Variants in STON1 observed in about 807,000 individuals in gnomAD.
The protein encoded by STON1 is stonin-1.
A neutral mutation model predicts 60.9 loss-of-function variants in STON1; 79 were observed. The observed-to-expected ratio is 1.30, with a 90% CI of 1.08 to 1.56. The LOEUF is 1.56. Ranked by LOEUF, STON1 falls within the 40% of genes most tolerant of loss-of-function variation. STON1 has a pLI of 0.00. For missense variants in STON1, 1,166 were observed against 858.9 expected (o/e 1.36, Z -4.47); for synonymous variants, 363 against 306.9 (o/e 1.18, Z -1.91).
chr2:48,580,538 C>T (rs1673811365), intron 1 of STON1, 49 bp from the exon 2 acceptor site: 10 of 1,299,204 alleles, frequency 7.7e-6, no homozygotes, highest in Non-Finnish European at 8.9e-6. Flanking sequence ...TAATGATTCC[C>T]CCCTTCATTT....
intron 1 of STON1, among the ~76,000 whole-genome samples, chr2:48,536,230 T>C (rs1367238724): frequency 6.6e-6 from 1 of 152,072 alleles, no homozygotes; most frequent in Non-Finnish European, 1.5e-5. Context: ...ATTACAAAGA[T>C]ACTGTGAAGA....
intron 2 of STON1, among the ~76,000 whole-genome samples, chr2:48,584,890 G>A (rs1674117684): frequency 6.6e-6 from 1 of 152,150 alleles, no homozygotes; most frequent in Admixed American, 6.5e-5. Context: ...GTTGACTGAT[G>A]AGAGCTTGAG....
At position 48,589,911 on chromosome 2, in the gene STON1, A is replaced by G. The variant is rs188769704; in HGVS notation, c.1931-1742A>G. ...TATTGCTATAGAATACTACTGCCCC[A>G]GTGCTGTATGCATATGAACTGGTTA... On this transcript the variant is annotated intron_variant, in intron 2 of 3. Coordinates refer to ENST00000404752, the MANE Select transcript of STON1 (RefSeq NM_006873.4). Among the ~76,000 whole-genome samples, 848 of 152,344 alleles carry G rather than the reference A, an allele frequency of 5.6e-3. 5 individuals carry two copies. The highest frequency in any genetic ancestry group is 0.02 in the African/African-American group (824 of 41,574).
intron 2 of STON1, among the ~76,000 whole-genome samples, chr2:48,584,870 T>C (rs1238946901): frequency 6.6e-6 from 1 of 152,128 alleles, no homozygotes; most frequent in African/African-American, 2.4e-5. Flanking sequence ...TGTTTGTTGG[T>C]TTAACACCTG....
chr2:48,542,260 T>C (rs899848606), intron 1 of STON1, among the ~76,000 whole-genome samples: 2 of 152,232 alleles, frequency 1.3e-5, no homozygotes, highest in East Asian at 1.9e-4. Flanking sequence ...CCCATAGTCA[T>C]TGGCCTTCTC....
intron 1 of STON1, among the ~76,000 whole-genome samples, chr2:48,570,868 T>TTG (rs1225669914): frequency 1.4e-5 from 2 of 145,584 alleles, no homozygotes; most frequent in Admixed American, 6.8e-5. Flanking sequence ...TTTTTTTTTT[T>TTG]TTTGTCTTTC....
Position 48,580,601 on chromosome 2 carries a change from AT to A in STON1, c.-30del. ...TTTTTTAACAGAGTCAACCTATTTG[AT>A]TTCTTGACAAGACCACAATCTGATC... On this transcript the variant is annotated 5_prime_UTR_variant, in exon 2 of 4. Coordinates refer to ENST00000404752, the MANE Select transcript of STON1 (RefSeq NM_006873.4). 3 of 1,322,702 alleles carry A rather than the reference AT, an allele frequency of 2.3e-6. No individual in the cohort carries two copies. The highest frequency in any genetic ancestry group is 1.9e-6 in the Non-Finnish European group (2 of 1,027,772). 81.9% of individuals were successfully genotyped at this position (1,322,702 alleles called of 1,614,324 possible).
intron 1 of STON1, among the ~76,000 whole-genome samples, chr2:48,565,038 G>T (rs1445876029): frequency 1.6e-5 from 2 of 128,140 alleles, no homozygotes; most frequent in African/African-American, 2.9e-5. Flanking sequence ...TGGCCCTCCG[G>T]CTTCTTCTTT....
chr2:48,575,983 C>G (rs1673470265), intron 1 of STON1, among the ~76,000 whole-genome samples: 1 of 151,354 alleles, frequency 6.6e-6, no homozygotes, highest in South Asian at 2.1e-4. Context: ...GTCTTGAACT[C>G]CTGGTCTTAG....
chr2:48,557,015 C>T (rs1194209579), intron 1 of STON1, among the ~76,000 whole-genome samples: 2 of 87,096 alleles, frequency 2.3e-5, no homozygotes, highest in African/African-American at 4.4e-5. Flanking sequence ...GCTGCCCGGG[C>T]GGGGGGGCTG....
intron 1 of STON1, among the ~76,000 whole-genome samples, chr2:48,544,471 T>C (rs1453484559): frequency 6.6e-6 from 1 of 152,228 alleles, no homozygotes; most frequent in Non-Finnish European, 1.5e-5. Flanking sequence ...CTTCCTAGCT[T>C]ATGGTAACTC....
rs1295183390 is a variant in STON1 at position 48,597,226 on chromosome 2, A to T, written c.*1924A>T. 1 of 152,136 alleles carries T rather than the reference A, an allele frequency of 6.6e-6. No individual in the cohort carries two copies. The highest frequency in any genetic ancestry group is 6.6e-5 in the Admixed American group (1 of 15,262). 9.4% of individuals were successfully genotyped at this position (152,136 alleles called of 1,614,324 possible). ...TGCTTGAGGCTCACTGTTGATGTAG[A>T]GTAGGGCAAATCTGTGTGTGTATGT... On this transcript the variant is annotated 3_prime_UTR_variant, in exon 4 of 4. Coordinates refer to ENST00000404752, the MANE Select transcript of STON1 (RefSeq NM_006873.4).
intron 1 of STON1, chr2:48,531,041 G>A (rs1241386653): frequency 8.5e-5 from 13 of 152,200 alleles, no homozygotes; most frequent in Non-Finnish European, 1.9e-4. Context: ...AAAGACAGAA[G>A]AAGGAAGAAA....
intron 1 of STON1, among the ~76,000 whole-genome samples, chr2:48,552,990 G>T (rs185323024): frequency 4.8e-4 from 73 of 152,250 alleles, no homozygotes; most frequent in African/African-American, 1.7e-3. Flanking sequence ...CATCCAAGGT[G>T]GTGCCTTGGA....
rs151012304 is a variant in STON1, at chr2:48,562,742, T to C, written c.-47-17845T>C. Among the ~76,000 whole-genome samples the C allele has an allele frequency of 5.5e-3, 836 of 152,288 alleles. 3 individuals are homozygous for C. The highest frequency in any genetic ancestry group is 8.3e-3 in the Non-Finnish European group (562 of 68,014). On this transcript the variant is annotated intron_variant, in intron 1 of 3. Coordinates refer to ENST00000404752, the MANE Select transcript of STON1 (RefSeq NM_006873.4). ...CTTATGAAGGAGGAGCTCCTTTTAA[T>C]TGTGGCTCAGAAGTTGCCCATCTTG... is the stretch of plus-strand genomic sequence containing the variant.
chr2:48,591,790 C>T lies in STON1; in HGVS notation c.2068C>T (p.Leu690=), dbSNP rs1350497304. ...TCASRTEVRS[L]GVESDVQPQK... is the part of the protein sequence containing the mutation. Reference sequence around the variant, plus strand: ...TGCCTCAAGGACAGAGGTCAGGTCTCTGGGAGTGGAGAGTGATGTCCAGCC... The same window carrying T: ...TGCCTCAAGGACAGAGGTCAGGTCTTTGGGAGTGGAGAGTGATGTCCAGCC... Residue 690 remains leucine (L), a synonymous_variant, in exon 3 of 4, where the codon CTG becomes TTG. Transcript: ENST00000404752. 7 of 1,614,050 alleles carry T rather than the reference C, an allele frequency of 4.3e-6. No homozygotes were observed. The South Asian group carries it at 7.7e-5, about 18-fold the overall frequency.
Position 48,581,507 on chromosome 2 carries a change from C to T in STON1, c.874C>T (p.Arg292Trp), listed in dbSNP as rs781629010. 3.0e-5 allele frequency: 48 copies of T among 1,614,012 alleles called. No homozygotes were observed. The highest frequency in any genetic ancestry group is 1.1e-4 in the East Asian group (5 of 44,894). Residue 292 changes from arginine (R) to tryptophan (W), a missense_variant, in exon 2 of 4, where the codon CGG (arginine) becomes TGG (tryptophan). Coordinates refer to ENST00000404752, the MANE Select transcript of STON1 (RefSeq NM_006873.4). ...TGAGAAGAAGAATATGATGTCTTCC[C>T]GGCAATGGGGACCAATTTTTCTGAA... ...IPEKKNMMSS[R>W]QWGPIFLKVL...
At chr2:48,563,501 G>A (rs1672693321) in intron 1 of STON1, among the ~76,000 whole-genome samples, 1 of 152,166 alleles carries the variant, frequency 6.6e-6, no homozygotes, top group Non-Finnish European at 1.5e-5. Context: ...CTAAGTCAAA[G>A]AAGCTGCTAT....
At chr2:48,578,871 G>C (rs567872316) in intron 1 of STON1, among the ~76,000 whole-genome samples, 1 of 151,962 alleles carries the variant, frequency 6.6e-6, no homozygotes, top group Non-Finnish European at 1.5e-5. Flanking sequence ...GATTATAGGC[G>C]TGAGCCACTG....
Sources: allele counts gnomAD v4.1 joint callset (sites outside exome capture counted in the v4.1 genomes callset), GRCh38; gene constraint gnomAD v4.1.1; transcripts MANE v1.5; gene names NCBI Gene and HGNC (gene_info 2026-07-23, HGNC 2026-07-21).